Variants in KDSR observed in about 807,000 individuals in gnomAD.
The protein encoded by KDSR is 3-ketodihydrosphingosine reductase.
Under a neutral mutation model 41.3 loss-of-function variants are expected in KDSR, and 23 were observed. That is an observed-to-expected ratio of 0.56 (90% confidence interval 0.40 to 0.79). The LOEUF (loss-of-function observed/expected upper bound fraction) is 0.79, where lower values mean the gene tolerates loss of function less well. KDSR is among the 30% of genes least tolerant of loss of function. KDSR has a pLI of 0.00. For missense variants in KDSR, 351 were observed against 416.8 expected, an observed-to-expected ratio of 0.84 and a Z score of 1.37; for synonymous variants, 138 against 151.7, an observed-to-expected ratio of 0.91 and a Z score of 0.66.
intron 3 of KDSR, among the ~76,000 whole-genome samples, chr18:63,357,696 C>G (rs1914841554): frequency 6.6e-6 from 1 of 151,126 alleles, no homozygotes; most frequent in Admixed American, 6.6e-5. Flanking sequence ...AGTGATTCTC[C>G]TGCCTCAGCC....
chr18:63,359,000 G>A (rs538430138), intron 3 of KDSR, among the ~76,000 whole-genome samples: 8 of 150,296 alleles, frequency 5.3e-5, no homozygotes, highest in South Asian at 2.1e-4. Context: ...GCAACATGGC[G>A]AAACCCCATC....
chr18:63,349,375 G>A (rs1271454983), intron 6 of KDSR, among the ~76,000 whole-genome samples: 2 of 151,924 alleles, frequency 1.3e-5, no homozygotes, highest in Non-Finnish European at 2.9e-5. Flanking sequence ...AAAGAGAGAC[G>A]CTGTCTCTAA....
Position 63,350,879 on chromosome 18 carries a change from A to G in KDSR, c.609+9T>C. ...GAGGAATAAATACAAAAATGAATACAACTTTTACCTCCATCTGCAAAGCTT... is the reference window on the plus strand; with the variant it reads ...GAGGAATAAATACAAAAATGAATACGACTTTTACCTCCATCTGCAAAGCTT... On this transcript the variant is annotated intron_variant, in intron 6 of 9. Coordinates refer to ENST00000645214, the MANE Select transcript of KDSR (RefSeq NM_002035.4). The G allele has an allele frequency of 6.3e-7, 1 of 1,597,910 alleles. No individual in the cohort carries two copies. Among genetic ancestry groups the G allele is most frequent in the Non-Finnish European group, 8.6e-7 (1 of 1,168,584 alleles).
intron 7 of KDSR, 149 bp downstream of exon 7, chr18:63,344,261 G>A (rs1914432036): frequency 3.6e-6 from 2 of 552,918 alleles, no homozygotes; most frequent in Non-Finnish European, 6.5e-6. Flanking sequence ...TATTTGCCTG[G>A]AGAATCTCAA....
intron 8 of KDSR, 41 bp downstream of exon 8, chr18:63,338,759 C>A: frequency 7.9e-7 from 1 of 1,271,460 alleles, no homozygotes; most frequent in Non-Finnish European, 1.1e-6. Context: ...AAATATAGTA[C>A]TACAAACACA....
At chr18:63,338,515 G>A (rs1374797826) in intron 8 of KDSR, among the ~76,000 whole-genome samples, 1 of 152,182 alleles carries the variant, frequency 6.6e-6, no homozygotes, top group East Asian at 1.9e-4. Flanking sequence ...ACACTCATAG[G>A]AAAGTCTCAT....
chr18:63,353,639 T>C (rs1285650085), intron 5 of KDSR, among the ~76,000 whole-genome samples: 2 of 152,126 alleles, frequency 1.3e-5, no homozygotes, highest in Non-Finnish European at 2.9e-5. Context: ...TACAAAGGAA[T>C]ATCACCACCC....
intron 7 of KDSR, 82 bp downstream of exon 7, chr18:63,344,328 C>T (rs552898032): frequency 1.7e-5 from 16 of 921,948 alleles, no homozygotes; most frequent in Non-Finnish European, 2.6e-5. Context: ...TTGGTGAAAA[C>T]GAGTGTGAGC....
intron 6 of KDSR, 52 bp downstream of exon 6, chr18:63,350,836 T>C (rs1269771080): frequency 8.0e-7 from 1 of 1,256,408 alleles, no homozygotes; most frequent in Non-Finnish European, 1.1e-6. Flanking sequence ...TAAAGCGGAA[T>C]GTATATTGCT....
At chr18:63,353,680 T>C (rs1420928077) in intron 5 of KDSR, among the ~76,000 whole-genome samples, 1 of 152,202 alleles carries the variant, frequency 6.6e-6, no homozygotes, top group African/African-American at 2.4e-5. Flanking sequence ...CCATATATGC[T>C]ACATGTGGAT....
chr18:63,365,816 T>C (rs1481428084), intron 1 of KDSR: 1 of 151,472 alleles, frequency 6.6e-6, no homozygotes. Context: ...CTCTTATTTA[T>C]TTTTTGTAAT....
At chr18:63,340,747 C>T (rs969557125) in intron 7 of KDSR, among the ~76,000 whole-genome samples, 8 of 152,158 alleles carry the variant, frequency 5.3e-5, no homozygotes, top group Admixed American at 1.3e-4. Context: ...TCATCAGACC[C>T]CAAGTCATCT....
At chr18:63,358,692 G>C (rs1914871582) in intron 3 of KDSR, among the ~76,000 whole-genome samples, 1 of 151,330 alleles carries the variant, frequency 6.6e-6, no homozygotes, top group African/African-American at 2.4e-5. Flanking sequence ...GCACACACCT[G>C]TAATCCCAGC....
chr18:63,351,537 T>C (rs2144366637), intron 5 of KDSR, among the ~76,000 whole-genome samples: 1 of 152,338 alleles, frequency 6.6e-6, no homozygotes, highest in Middle Eastern at 3.4e-3. Context: ...CTCCCATTTA[T>C]TGCCTATTTG....
chr18:63,350,853 A>C (rs550316154), intron 6 of KDSR, 35 bp downstream of exon 6: 257 of 1,463,792 alleles, frequency 1.8e-4, no homozygotes, highest in South Asian at 2.1e-4. Flanking sequence ...TGCTGAGCGG[A>C]GAGGAATAAA....
intron 3 of KDSR, chr18:63,359,485 T>A (rs1914901842): frequency 7.9e-6 from 3 of 378,190 alleles, no homozygotes; most frequent in Non-Finnish European, 1.4e-5. Flanking sequence ...AAAAAAAAAA[T>A]TAAAATGAAA....
Position 63,362,883 on chromosome 18 carries a change from T to C in KDSR, c.109-15A>G, listed in dbSNP as rs750338474. 45 of 1,577,362 alleles carry C rather than the reference T, an allele frequency of 2.9e-5. No homozygotes were observed. The highest frequency in any genetic ancestry group is 3.8e-5 in the Non-Finnish European group (44 of 1,148,010). ...CCTCCTGTAACCTAAAACAAAATCA[T>C]AAAATATTCTTAGCACTTGAAATCT... is the stretch of plus-strand genomic sequence containing the variant. On this transcript the variant is annotated splice_polypyrimidine_tract_variant and intron_variant, in intron 1 of 9. Coordinates refer to ENST00000645214, the MANE Select transcript of KDSR (RefSeq NM_002035.4).
At chr18:63,365,484 G>A (rs1022999633) in intron 1 of KDSR, among the ~76,000 whole-genome samples, 1 of 152,180 alleles carries the variant, frequency 6.6e-6, no homozygotes, top group Non-Finnish European at 1.5e-5. Context: ...ATTACTTAGA[G>A]TGTGAAATAA....
chr18:63,350,015 T>C (rs1042726945), intron 6 of KDSR, among the ~76,000 whole-genome samples: 1 of 152,204 alleles, frequency 6.6e-6, no homozygotes, highest in Admixed American at 6.5e-5. Context: ...TATAAGAGGG[T>C]TGGCCACAGT....
Sources: allele counts gnomAD v4.1 joint callset (sites outside exome capture counted in the v4.1 genomes callset), GRCh38; gene constraint gnomAD v4.1.1; transcripts MANE v1.5; gene names NCBI Gene and HGNC (gene_info 2026-07-23, HGNC 2026-07-21).